Variants in FANCC observed in about 807,000 individuals in gnomAD.
FANCC encodes Fanconi anemia group C protein.
Under a neutral mutation model 71.3 loss-of-function variants are expected in FANCC, and 55 were observed. That is an observed-to-expected ratio of 0.77 (90% CI 0.62 to 0.97). The LOEUF (loss-of-function observed/expected upper bound fraction) is 0.97, where lower values mean the gene tolerates loss of function less well. Among genes scored for constraint, FANCC ranks in the 50% least tolerant of loss-of-function variants. FANCC has a pLI of 0.00. For missense variants in FANCC, 678 were observed against 670.9 expected (o/e 1.01, Z -0.12); for synonymous variants, 275 against 244.9 (o/e 1.12, Z -1.15).
At chr9:95,293,043 G>C in intron 1 of FANCC, 1 of 1,596,200 alleles carries the variant, frequency 6.3e-7, no homozygotes, top group Non-Finnish European at 8.6e-7. Context: ...TGCAAAACCA[G>C]AAGTTATCCA....
intron 3 of FANCC, among the ~76,000 whole-genome samples, chr9:95,244,098 A>T (rs934023629): frequency 6.6e-5 from 10 of 152,346 alleles, no homozygotes; most frequent in African/African-American, 2.4e-4. Flanking sequence ...GACAGATACA[A>T]GTTCAAGGAC....
chr9:95,223,254 G>A (rs1829393739), intron 4 of FANCC, among the ~76,000 whole-genome samples: 1 of 152,166 alleles, frequency 6.6e-6, no homozygotes, highest in Admixed American at 6.5e-5. Context: ...GGTGTCCTAA[G>A]GGCTGATACC....
intron 1 of FANCC, among the ~76,000 whole-genome samples, chr9:95,288,135 TTAA>T (rs1833793026): frequency 1.3e-5 from 2 of 152,228 alleles, no homozygotes; most frequent in African/African-American, 2.4e-5. Context: ...AATTTTAATA[TTAA>T]TAAGTGGAAT....
chr9:95,210,090 CAGA>C lies in FANCC; in HGVS notation c.345+30556_345+30558del, dbSNP rs1422447333. ...CACCATCAAGCAAACAAGCAGGTGG[CAGA>C]AGAATACATGTCATTATATCTATAT... On this transcript the variant is annotated intron_variant, in intron 4 of 14. Coordinates refer to ENST00000289081, the MANE Select transcript of FANCC (RefSeq NM_000136.3). Among the ~76,000 whole-genome samples, 4 of 152,044 alleles carry C rather than the reference CAGA, an allele frequency of 2.6e-5. No homozygotes were observed. The South Asian group carries it at 6.2e-4, about 24-fold the overall frequency.
At chr9:95,307,627 A>G (rs546423510) in intron 1 of FANCC, among the ~76,000 whole-genome samples, 7 of 152,340 alleles carry the variant, frequency 4.6e-5, no homozygotes, top group Non-Finnish European at 1.0e-4. Flanking sequence ...AAAGGTCATA[A>G]ATTCAAAGTC....
intron 4 of FANCC, among the ~76,000 whole-genome samples, chr9:95,181,756 T>C (rs1199705418): frequency 6.6e-6 from 1 of 152,240 alleles, no homozygotes; most frequent in East Asian, 1.9e-4. Flanking sequence ...AAGATGGCTG[T>C]ATCTAAAATG....
chr9:95,120,083 A>T (rs2072753038), intron 10 of FANCC, among the ~76,000 whole-genome samples: 1 of 151,766 alleles, frequency 6.6e-6, no homozygotes, highest in South Asian at 2.1e-4. Flanking sequence ...GAGAAATCTT[A>T]GATCACCTCA....
In FANCC at chr9:95,104,573, T is replaced by C. The variant is rs544954636; in HGVS notation, c.1533+2493A>G. 1.1e-4 allele frequency among the ~76,000 whole-genome samples: 16 copies of C among 152,334 alleles called. No homozygotes were observed. The South Asian group carries it at 3.3e-3, about 32-fold the overall frequency. ...TCTGGCTTACTCCCAGCAATGTCTC[T>C]GGGCCCAGTCTTGAGGGCGATCTGC... On this transcript the variant is annotated intron_variant, in intron 14 of 14. Transcript: ENST00000289081.
chr9:95,126,667 G>T, intron 8 of FANCC, 86 bp from the exon 9 acceptor site: 1 of 1,378,882 alleles, frequency 7.3e-7, no homozygotes. Context: ...GAGTTACTGG[G>T]AACTGCTGAT....
At chr9:95,270,358 G>T (rs909513672) in intron 1 of FANCC, among the ~76,000 whole-genome samples, 3 of 152,048 alleles carry the variant, frequency 2.0e-5, no homozygotes, top group African/African-American at 7.2e-5. Context: ...GCAACCACCC[G>T]GAGAAACGGC....
intron 1 of FANCC, among the ~76,000 whole-genome samples, chr9:95,313,401 A>T (rs1470912991): frequency 1.3e-5 from 2 of 152,240 alleles, no homozygotes; most frequent in African/African-American, 2.4e-5. Flanking sequence ...GCTCTGGAGG[A>T]GTCACGGCCA....
In FANCC at chr9:95,190,307, T is replaced by C. The variant is rs529801163; in HGVS notation, c.346-18160A>G. Among the ~76,000 whole-genome samples, 157 of 152,268 alleles carry C rather than the reference T, an allele frequency of 1.0e-3. 2 individuals are homozygous for C. In the Middle Eastern group the frequency reaches 0.017, roughly 16 times the overall value. On this transcript the variant is annotated intron_variant, in intron 4 of 14. Transcript: ENST00000289081. ...CCTCCGCAGCAGTGACCCGCGTCAT[T>C]GCTGGATTTCTCATGTCAATTACAA...
intron 1 of FANCC, among the ~76,000 whole-genome samples, chr9:95,316,145 T>G (rs1835726288): frequency 6.6e-6 from 1 of 152,250 alleles, no homozygotes; most frequent in South Asian, 2.1e-4. Context: ...GTATAATTAG[T>G]CCAGTTCTCA....
At chr9:95,293,826 A>G in intron 1 of FANCC, 1 of 1,613,280 alleles carries the variant, frequency 6.2e-7, no homozygotes, top group Non-Finnish European at 8.5e-7. Flanking sequence ...AACTCAAACC[A>G]GTGGGATACA....
In FANCC at chr9:95,186,790, A is replaced by ATTT. The variant is rs10671582; in HGVS notation, c.346-14646_346-14644dup. 2.1e-4 allele frequency among the ~76,000 whole-genome samples: 29 copies of ATTT among 134,970 alleles called. 1 individual carries two copies. The highest frequency in any genetic ancestry group is 7.4e-4 in the Admixed American group (10 of 13,482). The allele number at this position is 134,970 out of a possible 152,430, so 88.5% of individuals were successfully genotyped here. A position where few individuals can be genotyped will look rare whatever the true frequency, so the allele number is the denominator to read the frequency against. ...GAGACTGCTGCGCTCGGACTGTTGG[A>ATTT]TTTTTTTTTTTTTTTTTTTGAGAAA... is the stretch of plus-strand genomic sequence containing the variant. On this transcript the variant is annotated intron_variant, in intron 4 of 14. Transcript: ENST00000289081.
At chr9:95,288,600 A>G (rs1833826919) in intron 1 of FANCC, among the ~76,000 whole-genome samples, 2 of 152,164 alleles carry the variant, frequency 1.3e-5, no homozygotes, top group Admixed American at 1.3e-4. Flanking sequence ...TCATGCATTC[A>G]GCATGTTTCA....
At chr9:95,126,738 G>A (rs370346513) in intron 8 of FANCC, 157 bp from the exon 9 acceptor site, 12 of 720,744 alleles carry the variant, frequency 1.7e-5, no homozygotes, top group African/African-American at 1.4e-4. Context: ...TACTGAAAAC[G>A]CCCCACATAC....
At chr9:95,165,497 C>T (rs927477113) in intron 6 of FANCC, among the ~76,000 whole-genome samples, 52 of 151,866 alleles carry the variant, frequency 3.4e-4, no homozygotes, top group African/African-American at 1.2e-3. Context: ...TTTTCATTTT[C>T]ATTTGTCTCA....
At chr9:95,179,554 C>T (rs767464905) in intron 4 of FANCC, among the ~76,000 whole-genome samples, 18 of 152,112 alleles carry the variant, frequency 1.2e-4, no homozygotes, top group Non-Finnish European at 2.1e-4. Flanking sequence ...ACCATGTTGG[C>T]CAGGCTGGTC....
Sources: gnomAD v4.1 joint callset for allele counts (sites outside exome capture counted in the v4.1 genomes callset) on GRCh38, gnomAD v4.1.1 for gene constraint, MANE v1.5 for transcripts, NCBI Gene and HGNC (gene_info 2026-07-23, HGNC 2026-07-21) for gene names.